Variants in PLXDC2 observed in about 807,000 individuals in gnomAD.
PLXDC2 encodes plexin domain containing 2.
A neutral mutation model predicts 68.9 loss-of-function variants in PLXDC2; 40 were observed. The observed-to-expected ratio is 0.58, with a 90% CI of 0.45 to 0.76. The LOEUF is 0.76. Ranked by LOEUF, PLXDC2 falls within the 30% of genes least tolerant of loss-of-function variation. PLXDC2 has a pLI of 0.00. For missense variants in PLXDC2, 644 were observed against 661.9 expected, an observed-to-expected ratio of 0.97 and a Z score of 0.30; for synonymous variants, 243 against 234.2, an observed-to-expected ratio of 1.04 and a Z score of -0.34.
intron 1 of PLXDC2, among the ~76,000 whole-genome samples, chr10:19,818,792 A>G (rs1231206478): frequency 6.6e-6 from 1 of 152,120 alleles, no homozygotes; most frequent in Non-Finnish European, 1.5e-5. Context: ...TGCAACAGTA[A>G]TTTTCATGTA....
chr10:20,044,223 T>TTCTTTCTC (rs1564293903), intron 2 of PLXDC2, among the ~76,000 whole-genome samples: 8 of 29,580 alleles, frequency 2.7e-4, no homozygotes, highest in Non-Finnish European at 4.6e-4. Context: ...CTTTCTTTCT[T>TTCTTTCTC]TCTTTCTTTC....
At chr10:19,998,861 T>C (rs1264057154) in intron 1 of PLXDC2, among the ~76,000 whole-genome samples, 1 of 152,150 alleles carries the variant, frequency 6.6e-6, no homozygotes, top group Non-Finnish European at 1.5e-5. Context: ...TTGTAAGTGC[T>C]AGAGTAAGGA....
intron 2 of PLXDC2, among the ~76,000 whole-genome samples, chr10:20,023,697 T>C (rs1044081300): frequency 4.6e-5 from 7 of 152,144 alleles, no homozygotes; most frequent in African/African-American, 1.7e-4. Flanking sequence ...TATTCTGTTA[T>C]AGCAGCACAA....
chr10:20,035,427 T>G (rs193187548), intron 2 of PLXDC2, among the ~76,000 whole-genome samples: 9 of 152,320 alleles, frequency 5.9e-5, no homozygotes, highest in Admixed American at 1.3e-4. Context: ...CAAGATGTGG[T>G]GGCTCATGCC....
At chr10:19,908,324 G>T (rs890841301) in intron 1 of PLXDC2, among the ~76,000 whole-genome samples, 1 of 152,068 alleles carries the variant, frequency 6.6e-6, no homozygotes, top group Non-Finnish European at 1.5e-5. Flanking sequence ...GCAATATTTT[G>T]ATCTATTTCT....
chr10:20,257,608 G>A (rs1835758130), intron 13 of PLXDC2, among the ~76,000 whole-genome samples: 1 of 152,168 alleles, frequency 6.6e-6, no homozygotes, highest in South Asian at 2.1e-4. Context: ...TGCAGAGCAA[G>A]CAAGGCTCAG....
At chr10:19,960,190 C>CAAAA (rs33975315) in intron 1 of PLXDC2, among the ~76,000 whole-genome samples, 1 of 87,348 alleles carries the variant, frequency 1.1e-5, no homozygotes, top group African/African-American at 4.7e-5. Context: ...GAGCTCGTCT[C>CAAAA]AAAAAAAAAA....
chr10:20,224,212 G>A (rs1835256662), intron 12 of PLXDC2, among the ~76,000 whole-genome samples: 1 of 152,108 alleles, frequency 6.6e-6, no homozygotes, highest in Admixed American at 6.5e-5. Flanking sequence ...GACCTCGGGT[G>A]ATCCACCCAT....
intron 1 of PLXDC2, among the ~76,000 whole-genome samples, chr10:19,835,664 G>A (rs1185344589): frequency 8.5e-5 from 13 of 152,204 alleles, no homozygotes; most frequent in Admixed American, 8.5e-4. Flanking sequence ...CTGGGAAGGG[G>A]AAACTGAGGA....
At chr10:19,967,362 G>A (rs1218553426) in intron 1 of PLXDC2, among the ~76,000 whole-genome samples, 1 of 152,112 alleles carries the variant, frequency 6.6e-6, no homozygotes, top group African/African-American at 2.4e-5. Context: ...GATAGGAACT[G>A]CACTGTATCT....
intron 12 of PLXDC2, among the ~76,000 whole-genome samples, chr10:20,223,306 A>G (rs1269994516): frequency 7.5e-6 from 1 of 134,128 alleles, no homozygotes; most frequent in East Asian, 2.1e-4. Flanking sequence ...TCTTTCACAG[A>G]ATTGAATTTT....
intron 1 of PLXDC2, among the ~76,000 whole-genome samples, chr10:19,907,318 G>A (rs1367117868): frequency 6.6e-6 from 1 of 152,192 alleles, no homozygotes; most frequent in African/African-American, 2.4e-5. Context: ...TTATCCAGAA[G>A]TAACATTGAC....
At chr10:20,251,652 G>T (rs1381854330) in intron 13 of PLXDC2, among the ~76,000 whole-genome samples, 1 of 151,976 alleles carries the variant, frequency 6.6e-6, no homozygotes, top group Non-Finnish European at 1.5e-5. Flanking sequence ...CTAACTGAAG[G>T]TCAAGAAAAT....
At chr10:20,245,733 A>C (rs191007863) in intron 13 of PLXDC2, among the ~76,000 whole-genome samples, 1 of 152,162 alleles carries the variant, frequency 6.6e-6, no homozygotes. Context: ...AAAGACATAA[A>C]CTATCTTGTC....
intron 1 of PLXDC2, among the ~76,000 whole-genome samples, chr10:19,854,439 T>C (rs1837177739): frequency 6.6e-6 from 1 of 152,108 alleles, no homozygotes; most frequent in South Asian, 2.1e-4. Flanking sequence ...CTGGAGACAT[T>C]TGAGGTGGTC....
At chr10:20,089,377 T>C (rs1166609932) in intron 4 of PLXDC2, among the ~76,000 whole-genome samples, 1 of 152,012 alleles carries the variant, frequency 6.6e-6, no homozygotes, top group African/African-American at 2.4e-5. Flanking sequence ...GGGAAGGGAA[T>C]TGCAGGCAGC....
At chr10:20,225,261 T>C (rs1835270235) in intron 12 of PLXDC2, among the ~76,000 whole-genome samples, 1 of 152,218 alleles carries the variant, frequency 6.6e-6, no homozygotes. Flanking sequence ...TTACCAAGTC[T>C]GTAGTGATAG....
rs1052439685 is a variant in PLXDC2, at chr10:20,284,798, C to G, written c.*4979C>G. 6.6e-6 allele frequency: 1 copy of G among 152,120 alleles called. No homozygotes were observed. The allele number at this position is 152,120 out of a possible 1,614,324, so 9.4% of individuals were successfully genotyped here. ...AGCAGCTTAGACAGCGCAGTCCACTCAACGGTAACTTTATTTGCTATATTG... is the reference window on the plus strand; with the variant it reads ...AGCAGCTTAGACAGCGCAGTCCACTGAACGGTAACTTTATTTGCTATATTG... On this transcript the variant is annotated 3_prime_UTR_variant, in exon 14 of 14. Transcript: ENST00000377252.
chr10:20,219,155 C>T, intron 12 of PLXDC2, 53 bp downstream of exon 12: 1 of 1,543,232 alleles, frequency 6.5e-7, no homozygotes, highest in Non-Finnish European at 8.8e-7. Context: ...GAATTCATTT[C>T]ATTTATTTTA....
Sources: gnomAD v4.1 joint callset for allele counts (sites outside exome capture counted in the v4.1 genomes callset) on GRCh38, gnomAD v4.1.1 for gene constraint, MANE v1.5 for transcripts, NCBI Gene and HGNC (gene_info 2026-07-23, HGNC 2026-07-21) for gene names.